The following NLGN4Y variants were observed in gnomAD, a reference collection of about 807,000 sequenced individuals.
NLGN4Y encodes the protein neuroligin-4, Y-linked.
A neutral mutation model predicts 8.4 loss-of-function variants in NLGN4Y; 4 were observed. That is an observed-to-expected ratio of 0.48 (90% CI 0.23 to 1.09). NLGN4Y has a LOEUF of 1.09. NLGN4Y is among the 50% of genes least tolerant of loss of function. The pLI is 0.19. For synonymous variants in NLGN4Y, 35 were observed against 75.6 expected (o/e 0.46, Z 2.78); for missense variants, 90 against 192.3 (o/e 0.47, Z 3.15).
chrY:14,550,727 G>C, intron 1 of NLGN4Y, among the ~76,000 whole-genome samples: 1 of 34,074 alleles, frequency 2.9e-5, no homozygotes, highest in Admixed American at 2.7e-4. Context: ...TGATTGTAGG[G>C]TTTCTGCAGA....
At chrY:14,580,109 G>A (rs1603500285) in intron 1 of NLGN4Y, among the ~76,000 whole-genome samples, 2 of 26,406 alleles carry the variant, frequency 7.6e-5, no homozygotes, top group Non-Finnish European at 1.7e-4. Flanking sequence ...GGAGAATGGC[G>A]TGAACCTGGG....
intron 2 of NLGN4Y, among the ~76,000 whole-genome samples, chrY:14,695,484 A>G (rs572709838): frequency 3.0e-5 from 1 of 32,963 alleles, no homozygotes; most frequent in Admixed American, 2.8e-4. Context: ...GCTGACAGGT[A>G]GTCCAAATGC....
At chrY:14,553,124 A>G in intron 1 of NLGN4Y, among the ~76,000 whole-genome samples, 1 of 33,168 alleles carries the variant, frequency 3.0e-5, no homozygotes, top group African/African-American at 1.2e-4. Flanking sequence ...CCTATACCCC[A>G]GTAATAGACA....
chrY:14,761,968 T>C, intron 4 of NLGN4Y, among the ~76,000 whole-genome samples: 1 of 33,190 alleles, frequency 3.0e-5, no homozygotes, highest in Non-Finnish European at 7.4e-5. Context: ...GCCTGTGTCA[T>C]ATAGTTAGAT....
intron 2 of NLGN4Y, among the ~76,000 whole-genome samples, chrY:14,684,501 T>C: frequency 6.2e-5 from 2 of 32,316 alleles, no homozygotes; most frequent in Non-Finnish European, 1.5e-4. Context: ...TATGCAGAGA[T>C]TACATGTCAA....
chrY:14,638,290 T>C (rs2080575491), intron 2 of NLGN4Y, among the ~76,000 whole-genome samples: 1 of 33,450 alleles, frequency 3.0e-5, no homozygotes, highest in African/African-American at 1.2e-4. Context: ...TTTTCTGTTC[T>C]TGTGTTAGTT....
chrY:14,547,317 A>G, intron 1 of NLGN4Y, among the ~76,000 whole-genome samples: 1 of 33,539 alleles, frequency 3.0e-5, no homozygotes, highest in Non-Finnish European at 7.4e-5. Flanking sequence ...GGAGAGAAAG[A>G]AGGAGGCTAA....
At chrY:14,725,327 C>T (rs2150556641) in intron 4 of NLGN4Y, among the ~76,000 whole-genome samples, 1 of 33,505 alleles carries the variant, frequency 3.0e-5, no homozygotes, top group East Asian at 7.8e-4. Context: ...AAAGTTTATT[C>T]CCTGAGCCTT....
At chrY:14,752,710 T>A (rs776174854) in intron 4 of NLGN4Y, among the ~76,000 whole-genome samples, 1 of 34,368 alleles carries the variant, frequency 2.9e-5, no homozygotes, top group Non-Finnish European at 7.3e-5. Context: ...TACTTACTTG[T>A]TGAACATTAA....
At chrY:14,587,621 A>T (rs2080345878) in intron 1 of NLGN4Y, among the ~76,000 whole-genome samples, 1 of 33,643 alleles carries the variant, frequency 3.0e-5, no homozygotes, top group Non-Finnish European at 7.3e-5. Flanking sequence ...TTTGCTGAAG[A>T]CTTTCTCTCT....
chrY:14,742,934 G>A (rs2081011408), intron 4 of NLGN4Y, among the ~76,000 whole-genome samples: 1 of 31,406 alleles, frequency 3.2e-5, no homozygotes, highest in Non-Finnish European at 7.6e-5. Context: ...TAATCATCAC[G>A]TTCTGACAGA....
chrY:14,635,176 A>G, intron 2 of NLGN4Y, among the ~76,000 whole-genome samples: 1 of 33,972 alleles, frequency 2.9e-5, no homozygotes, highest in Admixed American at 2.7e-4. Context: ...TTTAGCCTCC[A>G]GTTAGACCAA....
chrY:14,529,992 C>CATATATAT (rs368762978), intron 1 of NLGN4Y, among the ~76,000 whole-genome samples: 2 of 20,759 alleles, frequency 9.6e-5, no homozygotes, highest in South Asian at 1.2e-3. Flanking sequence ...CATATATGTA[C>CATATATAT]ATATATATAT....
intron 4 of NLGN4Y, among the ~76,000 whole-genome samples, chrY:14,776,709 C>A: frequency 6.2e-5 from 2 of 32,281 alleles, no homozygotes; most frequent in African/African-American, 2.4e-4. Flanking sequence ...TGGTTTTACA[C>A]AGGATTTTGC....
chrY:14,665,111 C>T (rs2080687951), intron 2 of NLGN4Y, among the ~76,000 whole-genome samples: 1 of 33,826 alleles, frequency 3.0e-5, no homozygotes, highest in Non-Finnish European at 7.4e-5. Flanking sequence ...TGAGCTACAA[C>T]CAGATTTAAC....
chrY:14,751,235 A>G lies in NLGN4Y; in HGVS notation c.685+27966A>G, dbSNP rs901730648. Among the ~76,000 whole-genome samples, 3 of 33,624 alleles carry G rather than the reference A, an allele frequency of 8.9e-5. No individual in the cohort carries two copies. In the South Asian group the frequency reaches 2.0e-3, roughly 22 times the overall value. 90.2% of individuals were successfully genotyped at this position (33,624 alleles called of 37,273 possible). A position where few individuals can be genotyped will look rare whatever the true frequency, so the allele number is the denominator to read the frequency against. Reference sequence around the variant, plus strand: ...TTTGAGGTTATTATGGACTCGTGTTATGAACGTTGTTTTTCACGCATCCTC... The same window carrying G: ...TTTGAGGTTATTATGGACTCGTGTTGTGAACGTTGTTTTTCACGCATCCTC... On this transcript the variant is annotated intron_variant, in intron 4 of 6. Transcript: ENST00000684976.
At chrY:14,623,668 C>T in intron 2 of NLGN4Y, among the ~76,000 whole-genome samples, 1 of 33,434 alleles carries the variant, frequency 3.0e-5, no homozygotes, top group Non-Finnish European at 7.4e-5. Flanking sequence ...ATTAAATAAA[C>T]AATTACATTA....
intron 4 of NLGN4Y, among the ~76,000 whole-genome samples, chrY:14,756,717 C>G (rs2150568232): frequency 3.9e-5 from 1 of 25,834 alleles, no homozygotes; most frequent in African/African-American, 1.5e-4. Context: ...TGCACTCCAT[C>G]CCAGGTGACA....
At chrY:14,835,542 G>C (rs1603504522) in intron 6 of NLGN4Y, among the ~76,000 whole-genome samples, 3 of 26,272 alleles carry the variant, frequency 1.1e-4, no homozygotes, top group African/African-American at 4.6e-4. Context: ...GAGGAAGGAA[G>C]GAAGAAAAGA....
Sources: gnomAD v4.1 joint callset for allele counts (sites outside exome capture counted in the v4.1 genomes callset) on GRCh38, gnomAD v4.1.1 for gene constraint, MANE v1.5 for transcripts, NCBI Gene and HGNC (gene_info 2026-07-23, HGNC 2026-07-21) for gene names.